CASP10: variants seen among roughly 807,000 people sequenced by gnomAD.
CASP10 encodes caspase-10.
A neutral mutation model predicts 48.5 loss-of-function variants in CASP10; 41 were observed. The observed-to-expected ratio is 0.85, with a 90% CI of 0.66 to 1.10. CASP10 has a LOEUF of 1.10. Ranked by LOEUF, CASP10 falls within the 50% of genes least tolerant of loss-of-function variation. The pLI, the probability that CASP10 is intolerant of heterozygous loss-of-function variation, is 0.00. For missense variants in CASP10, 614 were observed against 614.5 expected, an observed-to-expected ratio of 1.00 and a Z score of 0.01; for synonymous variants, 232 against 238.4, an observed-to-expected ratio of 0.97 and a Z score of 0.25.
chr2:201,209,066 A>G lies in CASP10; in HGVS notation c.923-4A>G, dbSNP rs1559308787. The G allele has an allele frequency of 6.3e-7, 1 of 1,589,520 alleles. No individual in the cohort carries two copies. The highest frequency in any genetic ancestry group is 2.2e-5 in the East Asian group (1 of 44,672). Reference sequence around the variant, plus strand: ...CTTTTTTTTTTTTTTTTGTTTTTAAACAGAGATCCTGAGTCATGTGTTCCA... The same window carrying G: ...CTTTTTTTTTTTTTTTTGTTTTTAAGCAGAGATCCTGAGTCATGTGTTCCA... On this transcript the variant is annotated splice_region_variant and splice_polypyrimidine_tract_variant and intron_variant, in intron 8 of 9. Coordinates refer to ENST00000286186, the MANE Select transcript of CASP10 (RefSeq NM_032977.4).
rs1047237750 is a variant in CASP10 at position 201,221,093 on chromosome 2, G to C, written c.*3352G>C. 1.0e-6 allele frequency: 1 copy of C among 985,258 alleles called. No homozygotes were observed. The highest frequency in any genetic ancestry group is 1.2e-6 in the Non-Finnish European group (1 of 829,944). The allele number at this position is 985,258 out of a possible 1,614,324, so 61.0% of individuals were successfully genotyped here. ...ATGCCTTTAGGTGGTAGGGTCTTCC[G>C]GTTGTAACTGCAACAGAAATAGCAG... On this transcript the variant is annotated 3_prime_UTR_variant, in exon 10 of 10. Transcript: ENST00000286186.
chr2:201,191,517 G>A (rs983212894), intron 3 of CASP10, among the ~76,000 whole-genome samples: 3 of 152,154 alleles, frequency 2.0e-5, no homozygotes, highest in African/African-American at 7.2e-5. Flanking sequence ...AGTGTGTAAA[G>A]GACAGTCTCT....
At chr2:201,205,208 T>TTTTTG (rs1945158261) in intron 6 of CASP10, among the ~76,000 whole-genome samples, 1 of 151,420 alleles carries the variant, frequency 6.6e-6, no homozygotes, top group South Asian at 2.1e-4. Flanking sequence ...TTTCCCCTCT[T>TTTTTG]TTTTCTTTTC....
At chr2:201,197,478 G>A (rs976110243) in intron 5 of CASP10, among the ~76,000 whole-genome samples, 1 of 152,156 alleles carries the variant, frequency 6.6e-6, no homozygotes, top group Non-Finnish European at 1.5e-5. Flanking sequence ...AGCTGGGCGT[G>A]GTGGTGCATG....
At chr2:201,199,532 T>G (rs906110576) in intron 5 of CASP10, among the ~76,000 whole-genome samples, 2 of 151,722 alleles carry the variant, frequency 1.3e-5, no homozygotes, top group African/African-American at 4.8e-5. Context: ...AATACAATAT[T>G]GTATTTAGTT....
chr2:201,196,332 C>T (rs1944795001), intron 5 of CASP10, among the ~76,000 whole-genome samples: 1 of 152,170 alleles, frequency 6.6e-6, no homozygotes, highest in Admixed American at 6.5e-5. Flanking sequence ...TTCCACAGTT[C>T]AAGTACAGAG....
At chr2:201,211,713 C>A (rs976176464) in intron 9 of CASP10, among the ~76,000 whole-genome samples, 1 of 152,024 alleles carries the variant, frequency 6.6e-6, no homozygotes, top group Non-Finnish European at 1.5e-5. Flanking sequence ...ATATTGATTG[C>A]ATTTTCTTTG....
At chr2:201,210,017 G>A (rs1945344823) in intron 9 of CASP10, among the ~76,000 whole-genome samples, 1 of 152,260 alleles carries the variant, frequency 6.6e-6, no homozygotes. Flanking sequence ...TGAAGGATCA[G>A]AGGAGGCTTC....
chr2:201,214,979 T>C (rs940961844), intron 9 of CASP10: 1 of 152,160 alleles, frequency 6.6e-6, no homozygotes, highest in Non-Finnish European at 1.5e-5. Flanking sequence ...CATAATCTAA[T>C]GAAATCATTT....
At position 201,189,125 on chromosome 2, in the gene CASP10, G is replaced by A. The variant is rs149543865; in HGVS notation, c.441+1326G>A. Among the ~76,000 whole-genome samples, 1,240 of 152,084 alleles carry A rather than the reference G, an allele frequency of 8.2e-3. 13 individuals are homozygous for A. Among genetic ancestry groups the A allele is most frequent in the Non-Finnish European group, 0.012 (788 of 67,984 alleles). ...GACTTTAGGTGATCCACCCGTCTCG[G>A]CCTCCCAAAGTGCTGAGATTACAAG... On this transcript the variant is annotated intron_variant, in intron 3 of 9. Transcript: ENST00000286186.
chr2:201,185,886 G>A lies in CASP10; in HGVS notation c.109G>A (p.Glu37Lys). ...TTCAAACCTGGGGGTCCAAGATGTG[G>A]AGAACCTCAAGTTTCTCTGCATAGG... The part of the protein sequence containing the change: ...IDSNLGVQDV[E>K]NLKFLCIGLV... The change falls in exon 2 of 10, where the codon GAG becomes AAG. Residue 37 changes from glutamate to lysine, a missense_variant. Physicochemically the swap from Glu to Lys is moderately conservative, Grantham distance 56 (BLOSUM62 1). Coordinates refer to ENST00000286186, the MANE Select transcript of CASP10 (RefSeq NM_032977.4). 6.2e-7 allele frequency: 1 copy of A among 1,614,100 alleles called. No homozygotes were observed. The highest frequency in any genetic ancestry group is 1.3e-5 in the African/African-American group (1 of 75,040).
chr2:201,202,487 G>A (rs1289890795), intron 5 of CASP10, among the ~76,000 whole-genome samples: 6 of 152,224 alleles, frequency 3.9e-5, no homozygotes, highest in African/African-American at 9.6e-5. Flanking sequence ...GCCAGGGCCT[G>A]GAGGGGCTGG....
chr2:201,194,293 T>C (rs1432098935), intron 4 of CASP10, among the ~76,000 whole-genome samples: 1 of 152,174 alleles, frequency 6.6e-6, no homozygotes, highest in Non-Finnish European at 1.5e-5. Context: ...AACTCATGAG[T>C]GTATTCATGA....
chr2:201,185,009 T>G (rs1944364209), intron 1 of CASP10, among the ~76,000 whole-genome samples: 2 of 152,134 alleles, frequency 1.3e-5, no homozygotes, highest in African/African-American at 4.8e-5. Flanking sequence ...TTTTTCTTTT[T>G]GAAACAGGGT....
intron 5 of CASP10, among the ~76,000 whole-genome samples, chr2:201,203,088 C>T (rs1226784769): frequency 6.6e-6 from 1 of 152,138 alleles, no homozygotes; most frequent in Non-Finnish European, 1.5e-5. Context: ...TAGAGGCTGT[C>T]CTTGGCATCT....
intron 5 of CASP10, chr2:201,200,662 GA>G: frequency 7.1e-7 from 1 of 1,412,284 alleles, no homozygotes; most frequent in Non-Finnish European, 9.2e-7. Flanking sequence ...TCAGCTTTGG[GA>G]GGCCACTTTG....
chr2:201,192,829 G>C (rs926246636), intron 3 of CASP10, among the ~76,000 whole-genome samples, 155 bp from the exon 4 acceptor site: 1 of 152,110 alleles, frequency 6.6e-6, no homozygotes, highest in South Asian at 2.1e-4. Flanking sequence ...GCTTGGTAAT[G>C]CCTCTTCCCC....
chr2:201,197,324 A>G (rs187894313), intron 5 of CASP10, among the ~76,000 whole-genome samples: 1 of 152,234 alleles, frequency 6.6e-6, no homozygotes, highest in Non-Finnish European at 1.5e-5. Flanking sequence ...ATTGATATAA[A>G]CAAGAGTTGG....
Position 201,209,428 on chromosome 2 carries a change from G to C in CASP10, c.1281G>C (p.Gln427His). Residue 427 changes from glutamine (Q) to histidine (H), a missense_variant, in exon 9 of 10, where the codon CAG becomes CAC. Transcript: ENST00000286186. ...LNPEQAPTSL[Q>H]DSIPAEADFL... ...CTGAGCAGGCACCCACTTCCCTGCA[G>C]GACAGTATTCCTGCCGAGGCTGACT... The C allele has an allele frequency of 6.2e-7, 1 of 1,614,146 alleles. No individual in the cohort carries two copies. Among genetic ancestry groups the C allele is most frequent in the Non-Finnish European group, 8.5e-7 (1 of 1,180,014 alleles).
Sources: gnomAD v4.1 joint callset for allele counts (sites outside exome capture counted in the v4.1 genomes callset) on GRCh38, gnomAD v4.1.1 for gene constraint, MANE v1.5 for transcripts, NCBI Gene and HGNC (gene_info 2026-07-23, HGNC 2026-07-21) for gene names.